DHX15: variants seen among roughly 807,000 people sequenced by gnomAD.
DHX15 encodes the protein ATP-dependent RNA helicase DHX15.
A neutral mutation model predicts 94.4 loss-of-function variants in DHX15; 11 were observed. The ratio of observed to expected loss-of-function variants is 0.12; its 90% CI spans 0.07 to 0.19. The LOEUF is 0.19. Ranked by LOEUF, DHX15 falls within the 10% of genes least tolerant of loss-of-function variation. DHX15 has a pLI of 1.00. For synonymous variants in DHX15, 338 were observed against 329.9 expected, an observed-to-expected ratio of 1.02 and a Z score of -0.27; for missense variants, 304 against 988.5, an observed-to-expected ratio of 0.31 and a Z score of 9.29.
At chr4:24,535,130 G>A (rs1232195059) in intron 11 of DHX15, among the ~76,000 whole-genome samples, 1 of 152,068 alleles carries the variant, frequency 6.6e-6, no homozygotes, top group African/African-American at 2.4e-5. Context: ...AGAGATCATA[G>A]TACCTCTCAC....
chr4:24,578,433 C>T (rs908985595), intron 1 of DHX15, among the ~76,000 whole-genome samples: 3 of 151,024 alleles, frequency 2.0e-5, no homozygotes, highest in African/African-American at 7.3e-5. Context: ...TACTTGACAC[C>T]TTAAAGATCA....
intron 11 of DHX15, among the ~76,000 whole-genome samples, chr4:24,536,175 TC>T (rs2109393551): frequency 6.6e-6 from 1 of 152,284 alleles, no homozygotes; most frequent in Non-Finnish European, 1.5e-5. Flanking sequence ...CAAATGTTTT[TC>T]AGGTCACTAA....
chr4:24,581,335 G>C (rs752463911), intron 1 of DHX15, among the ~76,000 whole-genome samples: 65 of 152,176 alleles, frequency 4.3e-4, no homozygotes, highest in Non-Finnish European at 5.1e-4. Context: ...GCCTATGGCA[G>C]CCAATTTAAA....
At chr4:24,552,292 A>C (rs926683850) in intron 5 of DHX15, among the ~76,000 whole-genome samples, 3 of 152,236 alleles carry the variant, frequency 2.0e-5, no homozygotes, top group Non-Finnish European at 2.9e-5. Context: ...AAAAGCAGCA[A>C]TATGTTAGTA....
At chr4:24,553,314 T>A (rs1304252262) in intron 5 of DHX15, among the ~76,000 whole-genome samples, 17 of 151,426 alleles carry the variant, frequency 1.1e-4, no homozygotes, top group Non-Finnish European at 4.4e-5. Context: ...AGAGCAAAAC[T>A]CCATCTCAAA....
chr4:24,545,611 G>A (rs2109399516), intron 6 of DHX15, among the ~76,000 whole-genome samples: 1 of 152,210 alleles, frequency 6.6e-6, no homozygotes, highest in East Asian at 1.9e-4. Flanking sequence ...AAATAGCTAA[G>A]GCTAAATACA....
chr4:24,528,097 G>C, intron 13 of DHX15, 56 bp from the exon 14 acceptor site: 2 of 1,174,066 alleles, frequency 1.7e-6, no homozygotes, highest in Non-Finnish European at 2.6e-6. Flanking sequence ...AAGTACTGGA[G>C]TTGTTAATAG....
intron 1 of DHX15, among the ~76,000 whole-genome samples, chr4:24,579,173 T>C (rs1300721332): frequency 1.3e-5 from 2 of 152,290 alleles, no homozygotes; most frequent in Middle Eastern, 3.4e-3. Context: ...AGACACTGCC[T>C]CAATTTACTG....
At chr4:24,529,987 T>C (rs1721039879) in intron 12 of DHX15, 3 of 572,362 alleles carry the variant, frequency 5.2e-6, no homozygotes, top group East Asian at 2.9e-5. Flanking sequence ...GAATCCAAAA[T>C]GGTTTATTTA....
chr4:24,530,564 G>C (rs762822785), intron 12 of DHX15: 1 of 151,870 alleles, frequency 6.6e-6, no homozygotes, highest in Non-Finnish European at 1.5e-5. Context: ...GCGACAGACC[G>C]AGAGGCTCCA....
At chr4:24,553,149 C>G (rs896360232) in intron 5 of DHX15, among the ~76,000 whole-genome samples, 42 of 152,080 alleles carry the variant, frequency 2.8e-4, no homozygotes, top group Middle Eastern at 3.4e-3. Context: ...ACGGAGAAAC[C>G]CCATCTCTAC....
chr4:24,544,917 T>C (rs1428766184), intron 6 of DHX15, among the ~76,000 whole-genome samples: 1 of 151,890 alleles, frequency 6.6e-6, no homozygotes, highest in Non-Finnish European at 1.5e-5. Context: ...GAGACAAGCC[T>C]GGACAACATA....
At chr4:24,571,145 A>C (rs1403156642) in intron 2 of DHX15, among the ~76,000 whole-genome samples, 1 of 152,226 alleles carries the variant, frequency 6.6e-6, no homozygotes, top group East Asian at 1.9e-4. Flanking sequence ...TCCAACTTAC[A>C]ACAAATTCTA....
intron 1 of DHX15, among the ~76,000 whole-genome samples, chr4:24,579,010 A>AT (rs936439218): frequency 2.0e-5 from 3 of 152,174 alleles, no homozygotes; most frequent in African/African-American, 7.2e-5. Context: ...ACTAACAAAG[A>AT]TTTTTTCAGG....
At chr4:24,582,873 A>G (rs1314363635) in intron 1 of DHX15, among the ~76,000 whole-genome samples, 2 of 152,280 alleles carry the variant, frequency 1.3e-5, no homozygotes, top group East Asian at 3.9e-4. Flanking sequence ...GCCTAAAGAG[A>G]GTCTGTCTTA....
intron 6 of DHX15, among the ~76,000 whole-genome samples, chr4:24,545,230 A>T (rs1410033224): frequency 6.6e-6 from 1 of 152,256 alleles, no homozygotes; most frequent in African/African-American, 2.4e-5. Flanking sequence ...CTTTTAAAAA[A>T]GTTGTTCTGG....
chr4:24,527,720 A>T lies in DHX15; in HGVS notation c.*204T>A. 2.1e-6 allele frequency: 1 copy of T among 480,638 alleles called. No homozygotes were observed. The highest frequency in any genetic ancestry group is 3.7e-6 in the Non-Finnish European group (1 of 269,908). 29.8% of individuals were successfully genotyped at this position (480,638 alleles called of 1,614,324 possible). The stretch of plus-strand genomic sequence containing the variant: ...CTGCAAAACATTGATCGACTTTTCC[A>T]GTATGAGCTACAGTGTCAACACAAA... On this transcript the variant is annotated 3_prime_UTR_variant, in exon 14 of 14. Transcript: ENST00000336812.
chr4:24,556,449 G>A, intron 3 of DHX15, 39 bp from the exon 4 acceptor site: 4 of 1,520,800 alleles, frequency 2.6e-6, no homozygotes, highest in African/African-American at 1.4e-5. Flanking sequence ...GGTTCCGTTA[G>A]GTCATTTTAA....
At chr4:24,544,231 A>G (rs1721377020) in intron 6 of DHX15, among the ~76,000 whole-genome samples, 1 of 152,222 alleles carries the variant, frequency 6.6e-6, no homozygotes, top group African/African-American at 2.4e-5. Context: ...TAAATCAAAT[A>G]GCTTTAAAAA....
Sources: gnomAD v4.1 joint callset for allele counts (sites outside exome capture counted in the v4.1 genomes callset) on GRCh38, gnomAD v4.1.1 for gene constraint, MANE v1.5 for transcripts, NCBI Gene and HGNC (gene_info 2026-07-23, HGNC 2026-07-21) for gene names.